Variants in TASP1 observed in about 807,000 individuals in gnomAD.
The protein encoded by TASP1 is threonine aspartase 1.
TASP1 carries 16 observed loss-of-function variants against 56.6 expected under a neutral mutation model. The ratio of observed to expected loss-of-function variants is 0.28; its 90% CI spans 0.19 to 0.43. The LOEUF (loss-of-function observed/expected upper bound fraction) is 0.43, where lower values mean the gene tolerates loss of function less well. Ranked by LOEUF, TASP1 falls within the 20% of genes least tolerant of loss-of-function variation. TASP1 has a pLI of 1.00. For synonymous variants in TASP1, 179 were observed against 184.2 expected (o/e 0.97, Z 0.23); for missense variants, 393 against 511.6 (o/e 0.77, Z 2.24).
the TASP1 span, chr20:13,117,682 C>T: frequency 6.2e-7 from 1 of 1,613,574 alleles, no homozygotes; most frequent in Non-Finnish European, 8.5e-7. Context: ...GGCACATTCA[C>T]CAAAAGTTTT....
chr20:13,376,139 A>C, the TASP1 span, among the ~76,000 whole-genome samples: 16 of 152,322 alleles, frequency 1.1e-4, no homozygotes, highest in Non-Finnish European at 2.1e-4. Flanking sequence ...TTTCATCATG[A>C]ACTCTTTGCC....
chr20:13,244,914 C>T, the TASP1 span, among the ~76,000 whole-genome samples: 1 of 152,306 alleles, frequency 6.6e-6, no homozygotes, highest in African/African-American at 2.4e-5. Context: ...TGAAATTGAA[C>T]ATCAGGTCAT....
the TASP1 span, among the ~76,000 whole-genome samples, chr20:13,234,408 T>C: frequency 1.3e-5 from 2 of 152,194 alleles, no homozygotes; most frequent in African/African-American, 4.8e-5. Flanking sequence ...TGCTGTGATA[T>C]AAACAGATGA....
intron 11 of TASP1, among the ~76,000 whole-genome samples, chr20:13,453,622 G>C (rs1274359493): frequency 6.6e-6 from 1 of 152,080 alleles, no homozygotes; most frequent in Admixed American, 6.6e-5. Flanking sequence ...ACCTAGAAGA[G>C]TGCATGGATA....
intron 4 of TASP1, among the ~76,000 whole-genome samples, chr20:13,605,220 G>A (rs114575538): frequency 1.4e-3 from 210 of 152,038 alleles, no homozygotes; most frequent in African/African-American, 4.9e-3. Flanking sequence ...GGAAATTTGA[G>A]AGTAATGGAA....
the TASP1 span, chr20:13,221,988 C>A: frequency 3.2e-6 from 4 of 1,238,330 alleles, no homozygotes; most frequent in South Asian, 2.7e-5. Flanking sequence ...GAGCTAGTGC[C>A]GGGTGGATGC....
chr20:13,435,940 C>G (rs942853068), intron 11 of TASP1, among the ~76,000 whole-genome samples: 1 of 152,040 alleles, frequency 6.6e-6, no homozygotes, highest in Non-Finnish European at 1.5e-5. Flanking sequence ...GTATTTTTCT[C>G]CCTCCCTCTC....
chr20:13,586,924 T>C (rs1005368244), intron 5 of TASP1, among the ~76,000 whole-genome samples: 4 of 152,114 alleles, frequency 2.6e-5, no homozygotes, highest in African/African-American at 7.2e-5. Context: ...AAAGATCTTT[T>C]GGAGGATCAA....
the TASP1 span, among the ~76,000 whole-genome samples, chr20:13,171,888 T>C: frequency 1.2e-4 from 18 of 152,136 alleles, no homozygotes; most frequent in African/African-American, 4.3e-4. Flanking sequence ...TAGGTCAACC[T>C]GATTGTATAA....
At chr20:13,577,147 G>T (rs1030112911) in intron 6 of TASP1, among the ~76,000 whole-genome samples, 2 of 152,182 alleles carry the variant, frequency 1.3e-5, no homozygotes, top group Admixed American at 1.3e-4. Context: ...GGGGACAGTA[G>T]AAGGAACAAG....
the TASP1 span, among the ~76,000 whole-genome samples, chr20:13,353,247 C>CA: frequency 0.02 from 2,247 of 111,084 alleles, 30 homozygotes; most frequent in Middle Eastern, 0.053. Context: ...GATTTTGTCT[C>CA]AAAAAAAAAA....
At chr20:13,215,000 G>A in the TASP1 span, among the ~76,000 whole-genome samples, 1 of 152,170 alleles carries the variant, frequency 6.6e-6, no homozygotes, top group Admixed American at 6.5e-5. Context: ...CAGGTAATTG[G>A]CTTCTGGGGT....
the TASP1 span, chr20:13,117,835 G>A: frequency 3.0e-6 from 3 of 1,002,284 alleles, no homozygotes; most frequent in Non-Finnish European, 4.4e-6. Flanking sequence ...CCACACCTCA[G>A]CTGATCACTC....
the TASP1 span, among the ~76,000 whole-genome samples, chr20:13,263,039 G>A: frequency 6.6e-6 from 1 of 152,148 alleles, no homozygotes; most frequent in East Asian, 1.9e-4. Context: ...CTGTGTCACT[G>A]GCTCTCAGGG....
chr20:13,230,746 G>GA, the TASP1 span, among the ~76,000 whole-genome samples: 608 of 125,300 alleles, frequency 4.9e-3, 5 homozygotes, highest in Middle Eastern at 0.017. Flanking sequence ...ATGTGTTGTA[G>GA]AAAAAAAAAG....
At chr20:13,273,672 T>C in the TASP1 span, among the ~76,000 whole-genome samples, 2 of 152,142 alleles carry the variant, frequency 1.3e-5, no homozygotes, top group Non-Finnish European at 2.9e-5. Flanking sequence ...AGAATAAAGG[T>C]TTACCATAGC....
At chr20:13,368,063 C>T in the TASP1 span, among the ~76,000 whole-genome samples, 1 of 152,130 alleles carries the variant, frequency 6.6e-6, no homozygotes, top group African/African-American at 2.4e-5. Flanking sequence ...ATTTTGATTC[C>T]ATAGGCTCTG....
At chr20:13,161,836 A>G in the TASP1 span, among the ~76,000 whole-genome samples, 1 of 152,164 alleles carries the variant, frequency 6.6e-6, no homozygotes, top group African/African-American at 2.4e-5. Context: ...ACACACACGC[A>G]CACACACACA....
At chr20:13,402,242 T>C (rs1454620311) in intron 13 of TASP1, among the ~76,000 whole-genome samples, 2 of 152,234 alleles carry the variant, frequency 1.3e-5, no homozygotes, top group African/African-American at 4.8e-5. Context: ...TGGAAGAAAT[T>C]AATGATGTAA....
Sources: gnomAD v4.1 joint callset for allele counts (sites outside exome capture counted in the v4.1 genomes callset) on GRCh38, gnomAD v4.1.1 for gene constraint, MANE v1.5 for transcripts, NCBI Gene and HGNC (gene_info 2026-07-23, HGNC 2026-07-21) for gene names.